DST: variants seen among roughly 807,000 people sequenced by gnomAD.
DST encodes the protein bullous pemphigoid antigen.
DST carries 253 observed loss-of-function variants against 875.2 expected under a neutral mutation model. That is an observed-to-expected ratio of 0.29 (90% CI 0.26 to 0.32). The LOEUF (loss-of-function observed/expected upper bound fraction) is 0.32. Among genes scored for constraint, DST ranks in the 10% least tolerant of loss-of-function variants. DST has a pLI of 1.00. For synonymous variants in DST, 3,124 were observed against 3,197.1 expected (o/e 0.98, Z 0.77); for missense variants, 8,287 against 9,111.6 (o/e 0.91, Z 3.68).
At chr6:56,590,839 G>A (rs1424100750) in intron 49 of DST, among the ~76,000 whole-genome samples, 4 of 152,194 alleles carry the variant, frequency 2.6e-5, no homozygotes, top group East Asian at 3.9e-4. Flanking sequence ...ACCCCTTCAC[G>A]GGCCTTCTCT....
At chr6:56,471,538 C>A (rs1215722526) in intron 94 of DST, among the ~76,000 whole-genome samples, 1 of 152,162 alleles carries the variant, frequency 6.6e-6, no homozygotes, top group Non-Finnish European at 1.5e-5. Flanking sequence ...TGGTCCGGCT[C>A]TAAGTACCAC....
chr6:56,941,062 T>C (rs1474951961), intron 2 of DST, among the ~76,000 whole-genome samples: 1 of 152,136 alleles, frequency 6.6e-6, no homozygotes, highest in East Asian at 1.9e-4. Flanking sequence ...ATTATGTCCT[T>C]CTTTCTACTT....
At chr6:56,875,109 G>A (rs542335725) in intron 3 of DST, among the ~76,000 whole-genome samples, 46 of 152,080 alleles carry the variant, frequency 3.0e-4, no homozygotes, top group African/African-American at 1.0e-3. Context: ...TCAGCCTCCC[G>A]AGTAGCTGGG....
chr6:56,865,261 CTGTGTGTGTGTGTGTGTG>C (rs35870270), intron 3 of DST, among the ~76,000 whole-genome samples: 2 of 143,704 alleles, frequency 1.4e-5, no homozygotes, highest in African/African-American at 5.0e-5. Flanking sequence ...CCCTAGTTTT[CTGTGTGTGTGTGTGTGTG>C]TGTGTGTGTG....
intron 2 of DST, among the ~76,000 whole-genome samples, chr6:56,908,956 G>A (rs1426559027): frequency 2.0e-5 from 3 of 152,180 alleles, no homozygotes; most frequent in South Asian, 4.1e-4. Context: ...ATAAAAATGT[G>A]TAACCAGTAG....
Position 56,642,945 on chromosome 6 carries a change from C to T in DST, c.1779-442G>A, listed in dbSNP as rs895149526. On this transcript the variant is annotated intron_variant, in intron 15 of 103. Coordinates refer to ENST00000680361, the MANE Select transcript of DST (RefSeq NM_001374736.1). ...TATGCTTCAACATGCATATGCAACA[C>T]ACAGCAAATAATATGCTGATAACTA... is the stretch of plus-strand genomic sequence containing the variant. The T allele has an allele frequency of 2.7e-6, 4 of 1,459,044 alleles. No homozygotes were observed. The East Asian group carries it at 7.3e-5, about 27-fold the overall frequency. The allele number at this position is 1,459,044 out of a possible 1,614,324, so 90.4% of individuals were successfully genotyped here. A position where few individuals can be genotyped will look rare whatever the true frequency, so the allele number is the denominator to read the frequency against.
rs754337299 is a variant in DST, at chr6:56,506,427, A to G, written c.19464+16T>C. ...CCTTCCAGCTAAGACCAGCACATACACTGTAATCCCCTTACCTGCAGTCCA... is the reference window on the plus strand; with the variant it reads ...CCTTCCAGCTAAGACCAGCACATACGCTGTAATCCCCTTACCTGCAGTCCA... On this transcript the variant is annotated intron_variant, in intron 77 of 103. Coordinates refer to ENST00000680361, the MANE Select transcript of DST (RefSeq NM_001374736.1). 1.6e-5 allele frequency: 25 copies of G among 1,597,866 alleles called. No individual in the cohort carries two copies. The African/African-American group carries it at 2.5e-4, about 16-fold the overall frequency.
chr6:56,869,808 C>T (rs1426930364), intron 3 of DST, among the ~76,000 whole-genome samples: 2 of 152,114 alleles, frequency 1.3e-5, no homozygotes, highest in Non-Finnish European at 2.9e-5. Flanking sequence ...CCTCAGCCTC[C>T]CGAGTAGCCG....
intron 12 of DST, among the ~76,000 whole-genome samples, chr6:56,650,325 C>CAAAAAAAAAAAA (rs70989721): frequency 8.2e-5 from 4 of 48,690 alleles, no homozygotes; most frequent in Non-Finnish European, 1.2e-4. Flanking sequence ...CATAACCACC[C>CAAAAAAAAAAAA]AAAAAAAAAA....
chr6:56,853,399 G>A (rs1362816881), intron 3 of DST, among the ~76,000 whole-genome samples: 1 of 152,120 alleles, frequency 6.6e-6, no homozygotes, highest in Non-Finnish European at 1.5e-5. Context: ...TGAGCTTTCT[G>A]AGATTTTGTT....
At chr6:56,505,932 C>T (rs1319906349) in intron 77 of DST, among the ~76,000 whole-genome samples, 1 of 151,938 alleles carries the variant, frequency 6.6e-6, no homozygotes, top group African/African-American at 2.4e-5. Flanking sequence ...AAGAAGAAAA[C>T]ACTTTTTACA....
intron 13 of DST, among the ~76,000 whole-genome samples, chr6:56,647,455 G>A (rs1241265506): frequency 6.6e-5 from 10 of 152,070 alleles, no homozygotes; most frequent in Admixed American, 1.3e-4. Flanking sequence ...ACGGATGCAG[G>A]AGCACAATGA....
At chr6:56,710,763 G>C (rs1009960655) in intron 5 of DST, among the ~76,000 whole-genome samples, 3 of 152,128 alleles carry the variant, frequency 2.0e-5, no homozygotes, top group Non-Finnish European at 4.4e-5. Flanking sequence ...TTCTTCAGGA[G>C]TTGTGAAAGA....
At chr6:56,778,443 T>G (rs1318349838) in intron 4 of DST, among the ~76,000 whole-genome samples, 1 of 151,608 alleles carries the variant, frequency 6.6e-6, no homozygotes, top group African/African-American at 2.4e-5. Context: ...GCAGGTTAGT[T>G]ACATATGTAT....
At chr6:56,493,964 G>A in intron 83 of DST, 46 bp downstream of exon 83, 1 of 1,423,328 alleles carries the variant, frequency 7.0e-7, no homozygotes, top group Non-Finnish European at 9.3e-7. Flanking sequence ...TCCAAGACAT[G>A]AAACAACTAA....
intron 55 of DST, among the ~76,000 whole-genome samples, chr6:56,567,738 A>G (rs1455996319): frequency 6.6e-6 from 1 of 152,206 alleles, no homozygotes; most frequent in East Asian, 1.9e-4. Flanking sequence ...GGGGCTGGTC[A>G]GACTAGATAC....
At chr6:56,743,784 T>TA (rs2099556860) in intron 4 of DST, among the ~76,000 whole-genome samples, 1 of 152,178 alleles carries the variant, frequency 6.6e-6, no homozygotes, top group African/African-American at 2.4e-5. Flanking sequence ...GTGCAGTTTG[T>TA]AAAAGCCTAC....
At chr6:56,661,567 C>T (rs1374192931) in intron 10 of DST, among the ~76,000 whole-genome samples, 2 of 151,348 alleles carry the variant, frequency 1.3e-5, no homozygotes. Flanking sequence ...CATAAGCTAA[C>T]TCAAGACAGC....
At chr6:56,475,609 C>G (rs565725277) in intron 92 of DST, among the ~76,000 whole-genome samples, 2 of 152,310 alleles carry the variant, frequency 1.3e-5, no homozygotes, top group East Asian at 3.9e-4. Context: ...CTAAGAAAGA[C>G]AACACGTTCC....
Sources: allele counts gnomAD v4.1 joint callset (sites outside exome capture counted in the v4.1 genomes callset), GRCh38; gene constraint gnomAD v4.1.1; transcripts MANE v1.5; gene names NCBI Gene and HGNC (gene_info 2026-07-23, HGNC 2026-07-21).